The following KCNH1 variants were observed in gnomAD, a reference collection of about 807,000 sequenced individuals.
KCNH1 encodes potassium voltage-gated channel subfamily H member 1, also known as voltage-gated delayed rectifier potassium channel KCNH1.
In KCNH1, 27 loss-of-function variants were observed where a neutral mutation model predicts 69.2. That is an observed-to-expected ratio of 0.39 (90% CI 0.29 to 0.54). The LOEUF (loss-of-function observed/expected upper bound fraction) is 0.54. KCNH1 is among the 20% of genes least tolerant of loss of function. The pLI, the probability that KCNH1 is intolerant of heterozygous loss-of-function variation, is 0.68. For missense variants in KCNH1, 798 were observed against 1,261.6 expected, an observed-to-expected ratio of 0.63 and a Z score of 5.57; for synonymous variants, 456 against 487.7, an observed-to-expected ratio of 0.93 and a Z score of 0.86.
At chr1:210,929,161 T>C (rs1687633800) in intron 6 of KCNH1, among the ~76,000 whole-genome samples, 1 of 152,158 alleles carries the variant, frequency 6.6e-6, no homozygotes, top group Non-Finnish European at 1.5e-5. Context: ...GAGGGAATCC[T>C]CCGTAAATCA....
At chr1:210,734,096 A>G (rs900839257) in intron 10 of KCNH1, among the ~76,000 whole-genome samples, 2 of 152,182 alleles carry the variant, frequency 1.3e-5, no homozygotes, top group African/African-American at 4.8e-5. Flanking sequence ...AAATCTTGCA[A>G]TACAGAATCA....
At chr1:210,749,949 G>T (rs894695005) in intron 10 of KCNH1, among the ~76,000 whole-genome samples, 2 of 152,060 alleles carry the variant, frequency 1.3e-5, no homozygotes, top group Admixed American at 1.3e-4. Context: ...CATCATGCTG[G>T]CCAGGCTGGT....
At chr1:210,988,663 G>T (rs17188776) in intron 6 of KCNH1, among the ~76,000 whole-genome samples, 4,033 of 152,270 alleles carry the variant, frequency 0.026, 98 homozygotes, top group South Asian at 0.06. Context: ...TGGGGAACCA[G>T]AATTGGAATT....
intron 6 of KCNH1, among the ~76,000 whole-genome samples, chr1:210,922,383 C>CAAAAAAAAAAAAA (rs758026291): frequency 7.1e-5 from 7 of 98,314 alleles, no homozygotes; most frequent in East Asian, 5.4e-4. Flanking sequence ...GACTCCGTCT[C>CAAAAAAAAAAAAA]AAAAAAAAAA....
intron 6 of KCNH1, among the ~76,000 whole-genome samples, chr1:210,923,906 A>C (rs568291310): frequency 5.9e-5 from 9 of 152,320 alleles, no homozygotes; most frequent in Non-Finnish European, 1.3e-4. Flanking sequence ...AAATAGAATA[A>C]TTGCAGGTAT....
chr1:210,842,290 G>T (rs774858275), intron 7 of KCNH1, among the ~76,000 whole-genome samples: 25 of 152,140 alleles, frequency 1.6e-4, no homozygotes, highest in Non-Finnish European at 2.9e-4. Context: ...ATACTCTGCA[G>T]CATAGAGTAA....
chr1:210,949,287 C>A (rs1480909978), intron 6 of KCNH1, among the ~76,000 whole-genome samples: 1 of 152,176 alleles, frequency 6.6e-6, no homozygotes, highest in Non-Finnish European at 1.5e-5. Flanking sequence ...ACCCTTCTCT[C>A]CTTGAGGAGC....
intron 10 of KCNH1, among the ~76,000 whole-genome samples, chr1:210,772,963 T>G (rs1014614867): frequency 2.0e-5 from 3 of 152,138 alleles, no homozygotes; most frequent in African/African-American, 7.2e-5. Context: ...TTGTTTTTGT[T>G]GTCATTCTTG....
intron 6 of KCNH1, among the ~76,000 whole-genome samples, chr1:210,939,445 A>G (rs1351283271): frequency 6.6e-6 from 1 of 152,158 alleles, no homozygotes; most frequent in East Asian, 1.9e-4. Context: ...GGAAGCCACA[A>G]AAGAATCCAA....
intron 5 of KCNH1, among the ~76,000 whole-genome samples, chr1:211,051,434 C>A (rs1690202747): frequency 6.6e-6 from 1 of 151,960 alleles, no homozygotes; most frequent in Admixed American, 6.6e-5. Flanking sequence ...GGAAGCCTAC[C>A]TGGAGTGGGG....
chr1:210,867,477 C>T (rs530042697), intron 7 of KCNH1, among the ~76,000 whole-genome samples: 4 of 151,514 alleles, frequency 2.6e-5, no homozygotes, highest in Non-Finnish European at 4.4e-5. Flanking sequence ...GGCTGTGTGA[C>T]CAAAGGTACT....
At chr1:210,878,690 C>A (rs528079835) in intron 7 of KCNH1, among the ~76,000 whole-genome samples, 37 of 151,790 alleles carry the variant, frequency 2.4e-4, no homozygotes, top group Admixed American at 1.7e-3. Flanking sequence ...GAAGAAAGAT[C>A]TAAAATCAAT....
chr1:211,098,637 T>A (rs1558603606), intron 3 of KCNH1, among the ~76,000 whole-genome samples: 1 of 152,042 alleles, frequency 6.6e-6, no homozygotes, highest in African/African-American at 2.4e-5. Context: ...AAAAAAGAAC[T>A]AAAACAATGT....
chr1:211,040,348 T>C lies in KCNH1; in HGVS notation c.559-21092A>G, dbSNP rs138978838. On this transcript the variant is annotated intron_variant, in intron 5 of 10. Transcript: ENST00000271751. ...TGAATTGTATCTCCCAGAATTCCCA[T>C]GTGTGGGAGGGGGTGCTAATTGAAT... Among the ~76,000 whole-genome samples the C allele has an allele frequency of 5.6e-4, 85 of 152,224 alleles. 5 individuals are homozygous for C. The East Asian group carries it at 0.016, about 29-fold the overall frequency.
chr1:210,754,339 A>T (rs933614194), intron 10 of KCNH1, among the ~76,000 whole-genome samples: 16 of 151,750 alleles, frequency 1.1e-4, no homozygotes, highest in Non-Finnish European at 1.6e-4. Flanking sequence ...GGATCCAAGA[A>T]ATTGTTGTGT....
At chr1:210,782,630 G>A (rs1433631865) in intron 9 of KCNH1, among the ~76,000 whole-genome samples, 2 of 152,134 alleles carry the variant, frequency 1.3e-5, no homozygotes, top group Admixed American at 1.3e-4. Flanking sequence ...GGAGGCTGAG[G>A]CAGGAGAATT....
chr1:210,993,841 T>C (rs2102391720), intron 6 of KCNH1, among the ~76,000 whole-genome samples: 1 of 152,236 alleles, frequency 6.6e-6, no homozygotes, highest in Non-Finnish European at 1.5e-5. Flanking sequence ...AGATTTGTTC[T>C]CTCACTAGCT....
At position 211,118,643 on chromosome 1, in the gene KCNH1, C is replaced by G. The variant is rs769165893; in HGVS notation, c.80-11266G>C. 5.3e-5 allele frequency among the ~76,000 whole-genome samples: 8 copies of G among 152,322 alleles called. No individual in the cohort carries two copies. The East Asian group carries it at 9.6e-4, about 18-fold the overall frequency. On this transcript the variant is annotated intron_variant, in intron 1 of 10. Coordinates refer to ENST00000271751, the MANE Select transcript of KCNH1 (RefSeq NM_172362.3). ...AAATTTAAAAGACTCCCTTCCTCCC[C>G]CTACTGTGTAAAGTTTCTCCAACTG...
intron 10 of KCNH1, among the ~76,000 whole-genome samples, chr1:210,685,832 A>G (rs1681397479): frequency 6.6e-6 from 1 of 152,222 alleles, no homozygotes; most frequent in Non-Finnish European, 1.5e-5. Flanking sequence ...ATAGTGCCCA[A>G]CACAGAGAAG....
Sources: allele counts gnomAD v4.1 joint callset (sites outside exome capture counted in the v4.1 genomes callset), GRCh38; gene constraint gnomAD v4.1.1; transcripts MANE v1.5; gene names NCBI Gene and HGNC (gene_info 2026-07-23, HGNC 2026-07-21).